The following PPIB variants were observed in gnomAD, a reference collection of about 807,000 sequenced individuals.
PPIB encodes peptidylprolyl isomerase B.
Under a neutral mutation model 20.1 loss-of-function variants are expected in PPIB, and 15 were observed. That is an observed-to-expected ratio of 0.75 (90% confidence interval 0.50 to 1.15). The LOEUF (loss-of-function observed/expected upper bound fraction) is 1.15, where lower values mean the gene tolerates loss of function less well. Among genes scored for constraint, PPIB ranks in the 50% most tolerant of loss-of-function variants. The pLI, the probability that PPIB is intolerant of heterozygous loss-of-function variation, is 0.00. For synonymous variants in PPIB, 129 were observed against 111.0 expected (o/e 1.16, Z -1.02); for missense variants, 278 against 283.0 (o/e 0.98, Z 0.13).
rs991657697 is a variant in PPIB, at chr15:64,157,977, G to A, written c.344-1068C>T. Among the ~76,000 whole-genome samples, 1 of 152,160 alleles carries A rather than the reference G, an allele frequency of 6.6e-6. No homozygotes were observed. Among genetic ancestry groups the A allele is most frequent in the African/African-American group, 2.4e-5 (1 of 41,424 alleles). Reference sequence around the variant, plus strand: ...TGCAGTGAGACCTGGCTGGAGTGCTGGCTAAAAGCCTCCCCCATTTGAGCC... The same window carrying A: ...TGCAGTGAGACCTGGCTGGAGTGCTAGCTAAAAGCCTCCCCCATTTGAGCC... On this transcript the variant is annotated intron_variant, in intron 3 of 4. Coordinates refer to ENST00000300026, the MANE Select transcript of PPIB (RefSeq NM_000942.5). The surrounding 1 kb of genome is among the most constrained non-coding windows in gnomAD (Gnocchi z 4.2).
chr15:64,157,091 A>C lies in PPIB; in HGVS notation c.344-182T>G. ...CCTCAGAGCCAAGCCATGCTGACTG[A>C]GGCCAAGTGGGGCATCAGGCCAGGC... On this transcript the variant is annotated intron_variant, in intron 3 of 4. Coordinates refer to ENST00000300026, the MANE Select transcript of PPIB (RefSeq NM_000942.5). This position sits in a 1 kb window ranked among gnomAD's most constrained non-coding sequence, Gnocchi z 4.2. 1.5e-6 allele frequency: 1 copy of C among 646,776 alleles called. No homozygotes were observed. Among genetic ancestry groups the C allele is most frequent in the Non-Finnish European group, 2.6e-6 (1 of 378,022 alleles). The allele number at this position is 646,776 out of a possible 1,614,324, so 40.1% of individuals were successfully genotyped here. A position where few individuals can be genotyped will look rare whatever the true frequency, so the allele number is the denominator to read the frequency against.
chr15:64,156,862 TC>T lies in PPIB; in HGVS notation c.390del (p.Lys131SerfsTer8). ...CTCACCCAGCCAGGCCCGTAGTGCT[TC>T]AGTTTGAAGTTCTCATCGGGGAAGC... Reference protein sequence around the residue: ...GERFPDENFKLKHYGPGWVSM... With the variant: ...GERFPDENFKXKHYGPGWVSM... On this transcript the variant is annotated frameshift_variant, in exon 4 of 5. Coordinates refer to ENST00000300026, the MANE Select transcript of PPIB (RefSeq NM_000942.5). LOFTEE classifies it high-confidence loss of function. The surrounding 1 kb of genome is among the most constrained non-coding windows in gnomAD (Gnocchi z 6.4). 6.2e-7 allele frequency: 1 copy of T among 1,614,176 alleles called. No homozygotes were observed. The highest frequency in any genetic ancestry group is 8.5e-7 in the Non-Finnish European group (1 of 1,180,024).
intron 1 of PPIB, 82 bp from the exon 2 acceptor site, chr15:64,162,236 G>T: frequency 1.0e-6 from 1 of 967,278 alleles, no homozygotes; most frequent in Non-Finnish European, 1.7e-6. Context: ...CTAACCTGAG[G>T]ATGGGAGAGA....
intron 1 of PPIB, 45 bp downstream of exon 1, chr15:64,162,807 C>T: frequency 6.3e-7 from 1 of 1,595,760 alleles, no homozygotes; most frequent in South Asian, 1.1e-5. Context: ...CAAGGCCGCC[C>T]GGGCCCGAGC....
rs748284900 is a variant in PPIB at position 64,156,910 on chromosome 15, C to A, written c.344-1G>T. ...AAGCGCTCACCGTAGATGCTCTTTC[C>A]TGGGAAAAAAGACAGAGCAGGTCAG... On this transcript the variant is annotated splice_acceptor_variant, in intron 3 of 4. Coordinates refer to ENST00000300026, the MANE Select transcript of PPIB (RefSeq NM_000942.5). LOFTEE classifies it high-confidence loss of function. The surrounding 1 kb of genome is among the most constrained non-coding windows in gnomAD (Gnocchi z 6.4). 16 of 1,614,010 alleles carry A rather than the reference C, an allele frequency of 9.9e-6. No homozygotes were observed. The highest frequency in any genetic ancestry group is 1.1e-5 in the Non-Finnish European group (13 of 1,179,946).
At chr15:64,162,362 T>C (rs553771964) in intron 1 of PPIB, among the ~76,000 whole-genome samples, 4 of 152,310 alleles carry the variant, frequency 2.6e-5, no homozygotes, top group South Asian at 2.1e-4. Context: ...TGCTTATCTA[T>C]ACCCTCCTTG....
Position 64,156,028 on chromosome 15 carries a change from C to A in PPIB, c.646G>T (p.Glu216Ter), listed in dbSNP as rs1036746834. The change falls in exon 5 of 5, where the codon GAG becomes TAG. Residue 216 changes from glutamate to a stop codon, truncating the protein, a stop_gained. Transcript: ENST00000300026. LOFTEE classifies it high-confidence loss of function. The surrounding 1 kb of genome is among the most constrained non-coding windows in gnomAD (Gnocchi z 6.4). ...EVEKPFAIAK[E>*] ...AAGAAAGATGTCCCTGTGCCCTACT[C>A]CTTGGCGATGGCAAAGGGCTTCTCC... The A allele has an allele frequency of 1.9e-6, 3 of 1,614,186 alleles. No individual in the cohort carries two copies. In the Admixed American group the frequency reaches 5.0e-5, roughly 27 times the overall value.
intron 1 of PPIB, 38 bp downstream of exon 1, chr15:64,162,814 G>C (rs368514865): frequency 1.9e-6 from 3 of 1,600,820 alleles, no homozygotes; most frequent in Non-Finnish European, 1.7e-6. Context: ...GCCCGGGCCC[G>C]AGCTCCGGCA....
chr15:64,156,491 G>A lies in PPIB; in HGVS notation c.528+234C>T, dbSNP rs143219457. 284 of 637,934 alleles carry A rather than the reference G, an allele frequency of 4.5e-4. No individual in the cohort carries two copies. In the East Asian group the frequency reaches 7.0e-3, roughly 16 times the overall value. 39.5% of individuals were successfully genotyped at this position (637,934 alleles called of 1,614,324 possible). A position where few individuals can be genotyped will look rare whatever the true frequency, so the allele number is the denominator to read the frequency against. On this transcript the variant is annotated intron_variant, in intron 4 of 4. Coordinates refer to ENST00000300026, the MANE Select transcript of PPIB (RefSeq NM_000942.5). This position sits in a 1 kb window ranked among gnomAD's most constrained non-coding sequence, Gnocchi z 6.4. ...CAGCACGTCACTGAGTGAAGGAGGG[G>A]AGGGAGGCTCTGGCAGTTGTGCAGC...
Position 64,158,773 on chromosome 15 carries a change from A to G in PPIB, c.343+1331T>C, listed in dbSNP as rs1286353590. 6.6e-6 allele frequency among the ~76,000 whole-genome samples: 1 copy of G among 152,134 alleles called. No homozygotes were observed. Among genetic ancestry groups the G allele is most frequent in the Non-Finnish European group, 1.5e-5 (1 of 68,030 alleles). On this transcript the variant is annotated intron_variant, in intron 3 of 4. Coordinates refer to ENST00000300026, the MANE Select transcript of PPIB (RefSeq NM_000942.5). The surrounding 1 kb of genome is among the most constrained non-coding windows in gnomAD (Gnocchi z 4.7). ...CCCTGCCTCTTTTCTGCCCGTTCAA[A>G]TTCTCCTCATTGAGGACCCCACTGA...
Position 64,160,745 on chromosome 15 carries a change from C to T in PPIB, c.250-548G>A, listed in dbSNP as rs1393486157. On this transcript the variant is annotated intron_variant, in intron 2 of 4. Coordinates refer to ENST00000300026, the MANE Select transcript of PPIB (RefSeq NM_000942.5). This position sits in a 1 kb window ranked among gnomAD's most constrained non-coding sequence, Gnocchi z 4.8. ...CACTGCAGCCTCCACCTCCCAGGTT[C>T]AAGCGATTCTCCAGCCTCAGCCTCC... Among the ~76,000 whole-genome samples, 1 of 152,180 alleles carries T rather than the reference C, an allele frequency of 6.6e-6. No individual in the cohort carries two copies. The highest frequency in any genetic ancestry group is 6.5e-5 in the Admixed American group (1 of 15,282).
Position 64,155,857 on chromosome 15 carries a change from G to GTGTT in PPIB, c.*162_*165dup. On this transcript the variant is annotated 3_prime_UTR_variant, in exon 5 of 5. Coordinates refer to ENST00000300026, the MANE Select transcript of PPIB (RefSeq NM_000942.5). ...AACCCACATTTTTTTTTATTGGTCAGTGTTGGTAGGAGTTTGTTACAAAAG... is the reference window on the plus strand; with the variant it reads ...AACCCACATTTTTTTTTATTGGTCAGTGTTTGTTGGTAGGAGTTTGTTACAAAAG... 1 of 994,020 alleles carries GTGTT rather than the reference G, an allele frequency of 1.0e-6. No homozygotes were observed. Among genetic ancestry groups the GTGTT allele is most frequent in the Non-Finnish European group, 1.5e-6 (1 of 648,084 alleles). The allele number at this position is 994,020 out of a possible 1,614,324, so 61.6% of individuals were successfully genotyped here.
rs2081556357 is a variant in PPIB, at chr15:64,159,981, G to C, written c.343+123C>G. Reference sequence around the variant, plus strand: ...GTGCCGCTGGTCTCAAAGTAGGTAAGTAATAAGTAGGCCTGCCTCTAGAGC... The same window carrying C: ...GTGCCGCTGGTCTCAAAGTAGGTAACTAATAAGTAGGCCTGCCTCTAGAGC... On this transcript the variant is annotated intron_variant, in intron 3 of 4. Coordinates refer to ENST00000300026, the MANE Select transcript of PPIB (RefSeq NM_000942.5). This position sits in a 1 kb window ranked among gnomAD's most constrained non-coding sequence, Gnocchi z 5.1. 1.2e-6 allele frequency: 1 copy of C among 848,754 alleles called. No homozygotes were observed. The highest frequency in any genetic ancestry group is 2.0e-6 in the Non-Finnish European group (1 of 499,882). The allele number at this position is 848,754 out of a possible 1,614,324, so 52.6% of individuals were successfully genotyped here.
Position 64,156,704 on chromosome 15 carries a change from G to C in PPIB, c.528+21C>G. ...CCCCGGTGAGGATTGCCCAGTAGTA[G>C]CCCTTGCTTCCACAACTCACCATGC... On this transcript the variant is annotated intron_variant, in intron 4 of 4. Transcript: ENST00000300026. The surrounding 1 kb of genome is among the most constrained non-coding windows in gnomAD (Gnocchi z 6.4). 6.2e-7 allele frequency: 1 copy of C among 1,613,896 alleles called. No individual in the cohort carries two copies. The highest frequency in any genetic ancestry group is 8.5e-7 in the Non-Finnish European group (1 of 1,179,798).
chr15:64,162,778 G>A, intron 1 of PPIB, 74 bp downstream of exon 1: 1 of 1,565,190 alleles, frequency 6.4e-7, no homozygotes, highest in Non-Finnish European at 8.7e-7. Flanking sequence ...AGGGAGGAGG[G>A]GCTGAGCCAA....
rs1425453181 is a variant in PPIB at position 64,158,104 on chromosome 15, G to GA, written c.344-1196dup. On this transcript the variant is annotated intron_variant, in intron 3 of 4. Transcript: ENST00000300026. This position sits in a 1 kb window ranked among gnomAD's most constrained non-coding sequence, Gnocchi z 4.7. ...GATACAGGGGTTCCAAACTCAAATG[G>GA]ACATTTCTATTTAAACTCAACATAC... 6.6e-6 allele frequency among the ~76,000 whole-genome samples: 1 copy of GA among 152,156 alleles called. No homozygotes were observed. Among genetic ancestry groups the GA allele is most frequent in the Non-Finnish European group, 1.5e-5 (1 of 68,020 alleles).
chr15:64,156,197 G>C lies in PPIB; in HGVS notation c.529-52C>G. 2 of 1,609,106 alleles carry C rather than the reference G, an allele frequency of 1.2e-6. No homozygotes were observed. Among genetic ancestry groups the C allele is most frequent in the Non-Finnish European group, 1.7e-6 (2 of 1,177,014 alleles). ...GGCATGGTGGATCAGGAGGTCCACC[G>C]CTCAGGAGAAAGGCCCCAGCGTATG... On this transcript the variant is annotated intron_variant, in intron 4 of 4. Transcript: ENST00000300026. The surrounding 1 kb of genome is among the most constrained non-coding windows in gnomAD (Gnocchi z 6.4).
intron 1 of PPIB, 148 bp from the exon 2 acceptor site, chr15:64,162,302 A>C (rs2081567598): frequency 4.2e-6 from 3 of 722,102 alleles, no homozygotes; most frequent in Non-Finnish European, 5.0e-6. Context: ...GTGACGGTAA[A>C]AATCCTATGA....
Position 64,157,240 on chromosome 15 carries a change from G to T in PPIB, c.344-331C>A. ...GGCCTGCCACGGAGGGACTTTGGTGGAGGGAAGTGCCGTGCAGGATGCAGG... is the reference window on the plus strand; with the variant it reads ...GGCCTGCCACGGAGGGACTTTGGTGTAGGGAAGTGCCGTGCAGGATGCAGG... On this transcript the variant is annotated intron_variant, in intron 3 of 4. Coordinates refer to ENST00000300026, the MANE Select transcript of PPIB (RefSeq NM_000942.5). This position sits in a 1 kb window ranked among gnomAD's most constrained non-coding sequence, Gnocchi z 4.2. 2.6e-6 allele frequency: 1 copy of T among 380,074 alleles called. No homozygotes were observed. The highest frequency in any genetic ancestry group is 4.9e-6 in the Non-Finnish European group (1 of 202,822). 23.5% of individuals were successfully genotyped at this position (380,074 alleles called of 1,614,324 possible).
Sources: allele counts gnomAD v4.1 joint callset (sites outside exome capture counted in the v4.1 genomes callset), GRCh38; gene constraint gnomAD v4.1.1; non-coding constraint Gnocchi (gnomAD v3.1); transcripts MANE v1.5; gene names NCBI Gene and HGNC (gene_info 2026-07-23, HGNC 2026-07-21).